DNM3: variants seen among roughly 807,000 people sequenced by gnomAD.
The protein encoded by DNM3 is dynamin-3.
DNM3 carries 47 observed loss-of-function variants against 101.6 expected under a neutral mutation model. The observed-to-expected ratio is 0.46, with a 90% confidence interval of 0.37 to 0.59. DNM3 has a LOEUF of 0.59. Ranked by LOEUF, DNM3 falls within the 20% of genes least tolerant of loss-of-function variation. The pLI, the probability that DNM3 is intolerant of heterozygous loss-of-function variation, is 0.00. For synonymous variants in DNM3, 385 were observed against 387.9 expected (o/e 0.99, Z 0.09); for missense variants, 849 against 1,085.7 (o/e 0.78, Z 3.06).
At chr1:171,973,716 G>T (rs1423892734) in intron 2 of DNM3, among the ~76,000 whole-genome samples, 1 of 150,250 alleles carries the variant, frequency 6.7e-6, no homozygotes, top group Admixed American at 6.6e-5. Context: ...CTGTCACCCA[G>T]GCTGGGGCAT....
intron 17 of DNM3, among the ~76,000 whole-genome samples, chr1:172,337,895 T>TA (rs1553238014): frequency 4.3e-5 from 6 of 141,090 alleles, no homozygotes; most frequent in African/African-American, 1.3e-4. Flanking sequence ...TATTTTATTT[T>TA]ATTTTATTTT....
intron 15 of DNM3, among the ~76,000 whole-genome samples, chr1:172,273,352 C>G (rs988531654): frequency 7.2e-5 from 11 of 151,950 alleles, no homozygotes; most frequent in African/African-American, 2.4e-4. Context: ...AAGGAAAATA[C>G]ATTTTCTTTT....
Position 172,412,611 on chromosome 1 carries a change from T to TGAA in DNM3, c.*4774_*4776dup. On this transcript the variant is annotated 3_prime_UTR_variant, in exon 21 of 21. Coordinates refer to ENST00000627582, the MANE Select transcript of DNM3 (RefSeq NM_015569.5). ...ATATGGACTCTTAGAATGGAATTTT[T>TGAA]GAAGAAAAATCTCAAAGCCTGTATC... is the stretch of plus-strand genomic sequence containing the variant. 1.0e-6 allele frequency: 1 copy of TGAA among 985,878 alleles called. No homozygotes were observed. The highest frequency in any genetic ancestry group is 1.7e-5 in the African/African-American group (1 of 57,366). The allele number at this position is 985,878 out of a possible 1,614,324, so 61.1% of individuals were successfully genotyped here.
At chr1:171,927,261 TGGGG>T (rs1027923517) in intron 2 of DNM3, among the ~76,000 whole-genome samples, 1 of 152,180 alleles carries the variant, frequency 6.6e-6, no homozygotes, top group African/African-American at 2.4e-5. Context: ...ATTTTAGGTT[TGGGG>T]GTGCATGTGA....
chr1:172,164,811 AGGTAGTG>A (rs1267803589), intron 14 of DNM3, among the ~76,000 whole-genome samples: 1 of 151,994 alleles, frequency 6.6e-6, no homozygotes, highest in Non-Finnish European at 1.5e-5. Flanking sequence ...TGTATGAGGA[AGGTAGTG>A]GGAGTGGTTT....
intron 14 of DNM3, among the ~76,000 whole-genome samples, chr1:172,206,146 TG>T (rs1041881475): frequency 7.9e-5 from 12 of 152,272 alleles, no homozygotes; most frequent in African/African-American, 2.6e-4. Context: ...ATACAAGTTT[TG>T]CAAAATTCGA....
At chr1:171,885,622 T>A (rs777833112) in intron 1 of DNM3, among the ~76,000 whole-genome samples, 127 of 152,288 alleles carry the variant, frequency 8.3e-4, no homozygotes, top group Non-Finnish European at 1.0e-3. Context: ...ATCCCCATCT[T>A]GCTAGTATTG....
chr1:172,312,590 T>C (rs1018121094), intron 16 of DNM3, among the ~76,000 whole-genome samples: 3 of 152,202 alleles, frequency 2.0e-5, no homozygotes, highest in Admixed American at 6.5e-5. Context: ...TCTGCTCCCC[T>C]GTTTCTTTTG....
At chr1:171,973,191 A>G (rs923379631) in intron 2 of DNM3, among the ~76,000 whole-genome samples, 1 of 152,138 alleles carries the variant, frequency 6.6e-6, no homozygotes, top group Non-Finnish European at 1.5e-5. Flanking sequence ...AAAAGCTAAG[A>G]ATTGGAATCA....
At chr1:172,290,594 G>A (rs982881474) in intron 15 of DNM3, among the ~76,000 whole-genome samples, 4 of 152,136 alleles carry the variant, frequency 2.6e-5, no homozygotes, top group Admixed American at 2.6e-4. Context: ...AGTAAACAGG[G>A]TGGTGATAAA....
Position 171,903,109 on chromosome 1 carries a change from C to T in DNM3, c.162-18639C>T, listed in dbSNP as rs554622917. On this transcript the variant is annotated intron_variant, in intron 1 of 20. Transcript: ENST00000627582. ...GGTCAACGCTGAGGTAAGCTGAGAT[C>T]GTGCCACTATACTTAAGCCTGGGTG... is the stretch of plus-strand genomic sequence containing the variant. 5.3e-3 allele frequency among the ~76,000 whole-genome samples: 803 copies of T among 151,888 alleles called. 9 individuals are homozygous for T. The highest frequency in any genetic ancestry group is 0.018 in the African/African-American group (751 of 41,416).
chr1:172,341,535 G>C (rs911244432), intron 17 of DNM3, among the ~76,000 whole-genome samples: 13 of 152,294 alleles, frequency 8.5e-5, no homozygotes, highest in African/African-American at 3.1e-4. Context: ...TACAAAAACA[G>C]ACGTATAGAC....
chr1:171,901,112 C>CAAAAAAAAAAAAAAAA (rs1243053508), intron 1 of DNM3, among the ~76,000 whole-genome samples: 3 of 66,738 alleles, frequency 4.5e-5, no homozygotes, highest in African/African-American at 1.3e-4. Context: ...GACTCTGTCT[C>CAAAAAAAAAAAAAAAA]AAAAAAAAAA....
At chr1:172,394,407 T>C (rs2069790806) in intron 20 of DNM3, 1 of 152,188 alleles carries the variant, frequency 6.6e-6, no homozygotes, top group South Asian at 2.1e-4. Context: ...CCAAACATCC[T>C]ATGCTGTAAG....
At chr1:172,400,334 G>T (rs917722414) in intron 20 of DNM3, among the ~76,000 whole-genome samples, 2 of 152,066 alleles carry the variant, frequency 1.3e-5, no homozygotes, top group African/African-American at 4.8e-5. Flanking sequence ...GTGGGAGTAG[G>T]TTTCTACAGC....
chr1:172,393,422 G>A (rs1407759422), intron 20 of DNM3: 4 of 152,582 alleles, frequency 2.6e-5, no homozygotes, highest in Non-Finnish European at 5.9e-5. Context: ...ATTCTTATGA[G>A]TGTGTCTTTG....
At chr1:171,957,887 G>C (rs971186280) in intron 2 of DNM3, among the ~76,000 whole-genome samples, 2 of 152,130 alleles carry the variant, frequency 1.3e-5, no homozygotes, top group Non-Finnish European at 2.9e-5. Context: ...CCTCCAAACT[G>C]TTCTAACCTC....
chr1:172,027,617 C>CACACACACACACACACACACACAG (rs34981346), intron 4 of DNM3, among the ~76,000 whole-genome samples: 2 of 147,022 alleles, frequency 1.4e-5, no homozygotes, highest in African/African-American at 5.2e-5. Context: ...CACACACACA[C>CACACACACACACACACACACACAG]AGAGAGAGAG....
intron 14 of DNM3, among the ~76,000 whole-genome samples, chr1:172,144,187 TA>T (rs34952786): frequency 0.25 from 35,388 of 141,790 alleles, 4,815 homozygotes; most frequent in Non-Finnish European, 0.33. Flanking sequence ...TCTTCAGAAA[TA>T]AAAAAAAAAA....
Sources: allele counts gnomAD v4.1 joint callset (sites outside exome capture counted in the v4.1 genomes callset), GRCh38; gene constraint gnomAD v4.1.1; transcripts MANE v1.5; gene names NCBI Gene and HGNC (gene_info 2026-07-23, HGNC 2026-07-21).